USP48: variants seen among roughly 807,000 people sequenced by gnomAD.
USP48 encodes ubiquitin specific peptidase 48.
USP48 carries 43 observed loss-of-function variants against 150.7 expected under a neutral mutation model. The ratio of observed to expected loss-of-function variants is 0.29; its 90% CI spans 0.22 to 0.37. The LOEUF (loss-of-function observed/expected upper bound fraction) is 0.37. Among genes scored for constraint, USP48 ranks in the 10% least tolerant of loss-of-function variants. The pLI, the probability that USP48 is intolerant of heterozygous loss-of-function variation, is 1.00. For synonymous variants in USP48, 396 were observed against 425.9 expected (o/e 0.93, Z 0.86); for missense variants, 813 against 1,249.6 (o/e 0.65, Z 5.27).
chr1:21,757,327 C>A, intron 2 of USP48: 1 of 175,942 alleles, frequency 5.7e-6, no homozygotes, highest in Non-Finnish European at 1.2e-5. Flanking sequence ...AAGCAAAGTG[C>A]TATCATCATG....
rs374989786 is a variant in USP48 at position 21,762,043 on chromosome 1, G to A, written c.135-4260C>T. 1.7e-3 allele frequency among the ~76,000 whole-genome samples: 264 copies of A among 152,192 alleles called. 2 individuals are homozygous for A. The highest frequency in any genetic ancestry group is 5.4e-3 in the African/African-American group (226 of 41,552). ...GCACTTTGGGAGACTGAGGTGGGCA[G>A]ATCACTTGAGGCCAGAAGTTCAAGA... On this transcript the variant is annotated intron_variant, in intron 1 of 26. Transcript: ENST00000308271.
At chr1:21,765,965 G>T (rs1264417641) in intron 1 of USP48, among the ~76,000 whole-genome samples, 1 of 146,024 alleles carries the variant, frequency 6.8e-6, no homozygotes, top group African/African-American at 2.6e-5. Flanking sequence ...AGGAATGGAG[G>T]AAGTTCAAGC....
chr1:21,696,233 G>A (rs2097629644), intron 22 of USP48, among the ~76,000 whole-genome samples: 1 of 152,198 alleles, frequency 6.6e-6, no homozygotes, highest in Non-Finnish European at 1.5e-5. Context: ...GAGGTCAGGA[G>A]TTCGAGACCA....
chr1:21,687,063 T>C (rs2097582189), intron 25 of USP48, 128 bp downstream of exon 25: 1 of 830,878 alleles, frequency 1.2e-6, no homozygotes, highest in Non-Finnish European at 1.9e-6. Flanking sequence ...TGTATTCTAC[T>C]GTAACAATAT....
rs2097836376 is a variant in USP48, at chr1:21,756,610, T to A, written c.348A>T (p.Ala116=). 6 of 1,609,664 alleles carry A rather than the reference T, an allele frequency of 3.7e-6. No homozygotes were observed. In the East Asian group the frequency reaches 1.3e-4, roughly 36 times the overall value. The change falls in exon 3 of 27, where the codon GCA becomes GCT. Residue 116 remains alanine (A), a synonymous_variant. Transcript: ENST00000308271. ...TACAAGTGCTTGGACATAAGTAGAG[T>A]GCCTGCCGAAGCTCCAAGTTGAGAA... The part of the protein sequence containing the change: ...VWFLNLELRQ[A]LYLCPSTCSD...
intron 9 of USP48, among the ~76,000 whole-genome samples, chr1:21,730,286 T>C (rs889765725): frequency 6.6e-6 from 1 of 151,766 alleles, no homozygotes; most frequent in African/African-American, 2.4e-5. Context: ...CTACTAATAA[T>C]ACAAAAATTA....
intron 8 of USP48, among the ~76,000 whole-genome samples, chr1:21,742,901 A>G (rs140640310): frequency 5.4e-4 from 82 of 152,380 alleles, no homozygotes; most frequent in Non-Finnish European, 1.0e-3. Context: ...AGAAGCAACA[A>G]AACAACACTG....
intron 15 of USP48, among the ~76,000 whole-genome samples, chr1:21,709,921 CTAT>C (rs1224276369): frequency 6.6e-6 from 1 of 151,952 alleles, no homozygotes. Flanking sequence ...ATATAATTTC[CTAT>C]TATTCTAATA....
At position 21,721,775 on chromosome 1, in the gene USP48, G is replaced by A. The variant is rs376551517; in HGVS notation, c.1649-11C>T. On this transcript the variant is annotated splice_polypyrimidine_tract_variant and intron_variant, in intron 12 of 26. Coordinates refer to ENST00000308271, the MANE Select transcript of USP48 (RefSeq NM_032236.8). Reference sequence around the variant, plus strand: ...TACACAGGGCTTTCACTACAGGCAAGAAAGAATGAAAGGAAATATATTTCA... The same window carrying A: ...TACACAGGGCTTTCACTACAGGCAAAAAAGAATGAAAGGAAATATATTTCA... 433 of 1,523,228 alleles carry A rather than the reference G, an allele frequency of 2.8e-4. No individual in the cohort carries two copies. Among genetic ancestry groups the A allele is most frequent in the Non-Finnish European group, 3.7e-4 (416 of 1,118,982 alleles). 94.4% of individuals were successfully genotyped at this position (1,523,228 alleles called of 1,614,324 possible). A position where few individuals can be genotyped will look rare whatever the true frequency, so the allele number is the denominator to read the frequency against.
chr1:21,720,966 C>A (rs774688423), intron 14 of USP48, 70 bp downstream of exon 14: 80 of 1,577,298 alleles, frequency 5.1e-5, no homozygotes, highest in Admixed American at 5.2e-5. Context: ...GAATGAGCCA[C>A]CGTGCCTGGC....
At chr1:21,714,987 C>A in intron 15 of USP48, 1 of 158,802 alleles carries the variant, frequency 6.3e-6, no homozygotes, top group Non-Finnish European at 1.4e-5. Context: ...GAGGCCAAGG[C>A]AGGAGGAACA....
chr1:21,761,202 G>T (rs1228995509), intron 1 of USP48, among the ~76,000 whole-genome samples: 1 of 151,800 alleles, frequency 6.6e-6, no homozygotes, highest in Non-Finnish European at 1.5e-5. Context: ...TTAGATAGAA[G>T]AGTACATTAT....
intron 9 of USP48, 128 bp downstream of exon 9, chr1:21,736,318 G>A (rs1004546587): frequency 6.1e-6 from 6 of 981,328 alleles, no homozygotes; most frequent in African/African-American, 5.1e-5. Flanking sequence ...TTTTACATGT[G>A]TTTAAGAAAT....
At chr1:21,745,825 A>G (rs547043461) in intron 8 of USP48, among the ~76,000 whole-genome samples, 117 of 152,344 alleles carry the variant, frequency 7.7e-4, no homozygotes, top group African/African-American at 2.7e-3. Context: ...CTCAATTTCA[A>G]TTGCCTGAAC....
At chr1:21,748,297 T>C (rs753253782) in intron 6 of USP48, 26 bp from the exon 7 acceptor site, 1 of 1,586,680 alleles carries the variant, frequency 6.3e-7, no homozygotes, top group South Asian at 1.1e-5. Context: ...ACATATTAAT[T>C]TTAAAAAGAA....
chr1:21,759,831 C>T (rs1420881385), intron 1 of USP48, among the ~76,000 whole-genome samples: 1 of 152,158 alleles, frequency 6.6e-6, no homozygotes. Flanking sequence ...ATTTGGCATA[C>T]ATCAGATTCA....
In USP48 at chr1:21,683,089, C is replaced by A. The variant is rs554893573; in HGVS notation, c.3059-2255G>T. ...CAGCCTGGCGAATATAGTGAAACCC[C>A]GTCTCTACCAAAAATACAAAAGTTA... On this transcript the variant is annotated intron_variant, in intron 25 of 26. Transcript: ENST00000308271. Among the ~76,000 whole-genome samples the A allele has an allele frequency of 2.0e-5, 3 of 151,990 alleles. No homozygotes were observed. In the South Asian group the frequency reaches 6.2e-4, roughly 32 times the overall value.
Position 21,682,778 on chromosome 1 carries a change from G to A in USP48, c.3059-1944C>T, listed in dbSNP as rs1174701314. On this transcript the variant is annotated intron_variant, in intron 25 of 26. Transcript: ENST00000308271. ...TAGTCCCAGCTACTTGGGAGGCTGA[G>A]GCAGAAGAATCGCTTGAACCCAGGA... Among the ~76,000 whole-genome samples the A allele has an allele frequency of 3.3e-5, 5 of 152,010 alleles. 1 individual carries two copies. The East Asian group carries it at 9.7e-4, about 29-fold the overall frequency.
chr1:21,738,793 G>C (rs1348793366), intron 8 of USP48, among the ~76,000 whole-genome samples: 1 of 152,024 alleles, frequency 6.6e-6, no homozygotes, highest in African/African-American at 2.4e-5. Context: ...TAGACAAACA[G>C]TAAACATACT....
Sources: allele counts gnomAD v4.1 joint callset (sites outside exome capture counted in the v4.1 genomes callset), GRCh38; gene constraint gnomAD v4.1.1; transcripts MANE v1.5; gene names NCBI Gene and HGNC (gene_info 2026-07-23, HGNC 2026-07-21).